Variants in SEC61A2 observed in about 807,000 individuals in gnomAD.
SEC61A2 encodes protein transport protein Sec61 subunit alpha isoform 2.
A neutral mutation model predicts 59.9 loss-of-function variants in SEC61A2; 28 were observed. That is an observed-to-expected ratio of 0.47 (90% confidence interval 0.35 to 0.64). The LOEUF (loss-of-function observed/expected upper bound fraction) is 0.64. Ranked by LOEUF, SEC61A2 falls within the 30% of genes least tolerant of loss-of-function variation. SEC61A2 has a pLI of 0.01. For synonymous variants in SEC61A2, 202 were observed against 214.4 expected, an observed-to-expected ratio of 0.94 and a Z score of 0.50; for missense variants, 340 against 585.9, an observed-to-expected ratio of 0.58 and a Z score of 4.33.
chr10:12,135,294 A>G (rs1833859993), intron 2 of SEC61A2, among the ~76,000 whole-genome samples: 1 of 152,190 alleles, frequency 6.6e-6, no homozygotes, highest in South Asian at 2.1e-4. Context: ...CAGCACATGT[A>G]TCCTAGAACT....
At position 12,153,855 on chromosome 10, in the gene SEC61A2, C is replaced by T. The variant is rs1223474649; in HGVS notation, c.463-1923C>T. 2 of 1,530,196 alleles carry T rather than the reference C, an allele frequency of 1.3e-6. No individual in the cohort carries two copies. The highest frequency in any genetic ancestry group is 2.3e-5 in the East Asian group (1 of 43,066). 94.8% of individuals were successfully genotyped at this position (1,530,196 alleles called of 1,614,324 possible). A position where few individuals can be genotyped will look rare whatever the true frequency, so the allele number is the denominator to read the frequency against. On this transcript the variant is annotated intron_variant, in intron 6 of 11. Coordinates refer to ENST00000298428, the MANE Select transcript of SEC61A2 (RefSeq NM_018144.4). The surrounding 1 kb of genome is among the most constrained non-coding windows in gnomAD (Gnocchi z 5.2). The stretch of plus-strand genomic sequence containing the variant: ...GCATGCCGTTGTGGAAGGTATTTCT[C>T]ACCTTATTTGTTTATGTTTCATTCA...
chr10:12,138,894 A>G (rs1284312991), intron 3 of SEC61A2, among the ~76,000 whole-genome samples: 1 of 152,230 alleles, frequency 6.6e-6, no homozygotes, highest in African/African-American at 2.4e-5. Context: ...TGGGTTTTAT[A>G]GTAAATGTAT....
chr10:12,157,239 T>G (rs1359394150), intron 8 of SEC61A2, 172 bp downstream of exon 8: 3 of 653,968 alleles, frequency 4.6e-6, no homozygotes, highest in Non-Finnish European at 7.8e-6. Context: ...AATATTGGAG[T>G]CTCTGTACTT....
rs946746076 is a variant in SEC61A2 at position 12,142,184 on chromosome 10, A to G, written c.142-933A>G. 2.0e-5 allele frequency among the ~76,000 whole-genome samples: 3 copies of G among 152,140 alleles called. No individual in the cohort carries two copies. The highest frequency in any genetic ancestry group is 4.8e-5 in the African/African-American group (2 of 41,428). On this transcript the variant is annotated intron_variant, in intron 3 of 11. Transcript: ENST00000298428. The surrounding 1 kb of genome is among the most constrained non-coding windows in gnomAD (Gnocchi z 5.4). ...ATTTATGGCGAGTACATGTTCTTACACTAAGGACTGTAAATAAAGCAGGAA... is the reference window on the plus strand; with the variant it reads ...ATTTATGGCGAGTACATGTTCTTACGCTAAGGACTGTAAATAAAGCAGGAA...
At chr10:12,130,418 A>T (rs571185611) in intron 1 of SEC61A2, among the ~76,000 whole-genome samples, 2 of 152,262 alleles carry the variant, frequency 1.3e-5, no homozygotes, top group Admixed American at 6.5e-5. Context: ...AGCTGTGAAG[A>T]TGTTCGTTGG....
At chr10:12,166,027 TCAAA>T (rs1834677369), downstream of SEC61A2, 1 of 152,264 alleles carries the variant, frequency 6.6e-6, no homozygotes, top group Admixed American at 6.5e-5. Context: ...CTGCCAGTTC[TCAAA>T]CAGACTGAAT....
rs746777113 is a variant in SEC61A2 at position 12,129,809 on chromosome 10, C to T, written c.7+15C>T. ...AGCCATGGGCAGTGAGTAGCGGCGG[C>T]TGGAGCGGGGACTCTGGCTGGGAAC... On this transcript the variant is annotated intron_variant, in intron 1 of 11. Transcript: ENST00000298428. The surrounding 1 kb of genome is among the most constrained non-coding windows in gnomAD (Gnocchi z 5.6). The T allele has an allele frequency of 1.1e-5, 15 of 1,423,678 alleles. No homozygotes were observed. Among genetic ancestry groups the T allele is most frequent in the Middle Eastern group, 4.1e-4 (2 of 4,824 alleles). The allele number at this position is 1,423,678 out of a possible 1,614,324, so 88.2% of individuals were successfully genotyped here.
chr10:12,141,897 C>A (rs115536847), intron 3 of SEC61A2, among the ~76,000 whole-genome samples: 1 of 152,058 alleles, frequency 6.6e-6, no homozygotes, highest in Non-Finnish European at 1.5e-5. Context: ...GAAGGAGCTG[C>A]GAAACCAATG....
intron 2 of SEC61A2, among the ~76,000 whole-genome samples, chr10:12,134,132 G>A (rs1233266253): frequency 2.6e-5 from 4 of 151,988 alleles, no homozygotes; most frequent in Non-Finnish European, 4.4e-5. Context: ...TCAGCCTCCC[G>A]AGTAGCTGGG....
chr10:12,139,030 C>T (rs529929807), intron 3 of SEC61A2, among the ~76,000 whole-genome samples: 42 of 152,214 alleles, frequency 2.8e-4, no homozygotes, highest in African/African-American at 8.9e-4. Flanking sequence ...GGCACGATTT[C>T]GGCTCACCGC....
chr10:12,157,820 C>T, intron 8 of SEC61A2, 88 bp from the exon 9 acceptor site: 2 of 1,263,890 alleles, frequency 1.6e-6, no homozygotes, highest in South Asian at 2.5e-5. Context: ...TTTTCATCCC[C>T]CGCACTGTTC....
chr10:12,154,789 C>T lies in SEC61A2; in HGVS notation c.463-989C>T, dbSNP rs767855433. Among the ~76,000 whole-genome samples the T allele has an allele frequency of 2.6e-5, 4 of 152,188 alleles. No homozygotes were observed. In the South Asian group the frequency reaches 6.2e-4, roughly 24 times the overall value. Reference sequence around the variant, plus strand: ...AATGGTCTCATGTGGTTACTTTGGTCGCTCTTCCAGCAGGTGATATTGGAT... The same window carrying T: ...AATGGTCTCATGTGGTTACTTTGGTTGCTCTTCCAGCAGGTGATATTGGAT... On this transcript the variant is annotated intron_variant, in intron 6 of 11. Coordinates refer to ENST00000298428, the MANE Select transcript of SEC61A2 (RefSeq NM_018144.4). The surrounding 1 kb of genome is among the most constrained non-coding windows in gnomAD (Gnocchi z 5.2).
chr10:12,158,399 CTTA>C lies in SEC61A2; in HGVS notation c.975+297_975+299del. 1 of 357,216 alleles carries C rather than the reference CTTA, an allele frequency of 2.8e-6. No homozygotes were observed. The highest frequency in any genetic ancestry group is 5.2e-6 in the Non-Finnish European group (1 of 193,030). 22.1% of individuals were successfully genotyped at this position (357,216 alleles called of 1,614,324 possible). A position where few individuals can be genotyped will look rare whatever the true frequency, so the allele number is the denominator to read the frequency against. ...TAAAAGTAATTTCCTATTTTGTCAT[CTTA>C]TTCCAGTATTGTCTACAATAATGCT... On this transcript the variant is annotated intron_variant, in intron 9 of 11. Transcript: ENST00000298428. The surrounding 1 kb of genome is among the most constrained non-coding windows in gnomAD (Gnocchi z 5.7).
intron 3 of SEC61A2, among the ~76,000 whole-genome samples, chr10:12,139,763 G>A (rs11257562): frequency 0.3 from 44,748 of 151,334 alleles, 6,931 homozygotes; most frequent in Admixed American, 0.36. Flanking sequence ...CAGTCTGGGC[G>A]ACAGAGCGAG....
In SEC61A2 at chr10:12,153,695, G is replaced by C. The variant is rs1239620072; in HGVS notation, c.463-2083G>C. 1 of 1,599,408 alleles carries C rather than the reference G, an allele frequency of 6.3e-7. No individual in the cohort carries two copies. Among genetic ancestry groups the C allele is most frequent in the Non-Finnish European group, 8.5e-7 (1 of 1,174,814 alleles). ...GTTAATATATAAAGAGGGGTGTCATGTTTGATTGTAGGTGGGCAGTGACCC... is the reference window on the plus strand; with the variant it reads ...GTTAATATATAAAGAGGGGTGTCATCTTTGATTGTAGGTGGGCAGTGACCC... On this transcript the variant is annotated intron_variant, in intron 6 of 11. Transcript: ENST00000298428. This position sits in a 1 kb window ranked among gnomAD's most constrained non-coding sequence, Gnocchi z 5.2.
intron 3 of SEC61A2, among the ~76,000 whole-genome samples, chr10:12,138,431 C>G (rs1396530188): frequency 6.6e-6 from 1 of 152,082 alleles, no homozygotes; most frequent in Non-Finnish European, 1.5e-5. Context: ...TTTAGGCATA[C>G]ATTTTGAAGA....
downstream of SEC61A2, among the ~76,000 whole-genome samples, chr10:12,168,528 G>T (rs1361889819): frequency 6.6e-6 from 1 of 151,962 alleles, no homozygotes; most frequent in East Asian, 1.9e-4. This position sits in a 1 kb window ranked among gnomAD's most constrained non-coding sequence, Gnocchi z 4.8. Flanking sequence ...TAGGACTGGA[G>T]ATCTACTACC....
At chr10:12,132,599 G>A (rs1833780804) in intron 1 of SEC61A2, among the ~76,000 whole-genome samples, 1 of 137,194 alleles carries the variant, frequency 7.3e-6, no homozygotes, top group Non-Finnish European at 1.6e-5. Context: ...GGGCAACACA[G>A]CGAGACTCTG....
Position 12,152,125 on chromosome 10 carries a change from C to G in SEC61A2, c.462+2164C>G, listed in dbSNP as rs1034360692. 6.8e-6 allele frequency among the ~76,000 whole-genome samples: 1 copy of G among 146,590 alleles called. No individual in the cohort carries two copies. The highest frequency in any genetic ancestry group is 2.5e-5 in the African/African-American group (1 of 39,402). On this transcript the variant is annotated intron_variant, in intron 6 of 11. Coordinates refer to ENST00000298428, the MANE Select transcript of SEC61A2 (RefSeq NM_018144.4). The surrounding 1 kb of genome is among the most constrained non-coding windows in gnomAD (Gnocchi z 5.5). ...TCGAGACGGAGTCCTGCTCTGTCTC[C>G]CAGACTAAAGTGCAGTGGTGCAATC...
Sources: allele counts gnomAD v4.1 joint callset (sites outside exome capture counted in the v4.1 genomes callset), GRCh38; gene constraint gnomAD v4.1.1; non-coding constraint Gnocchi (gnomAD v3.1); transcripts MANE v1.5; gene names NCBI Gene and HGNC (gene_info 2026-07-23, HGNC 2026-07-21).